The following RSF1 variants were observed in gnomAD, a reference collection of about 807,000 sequenced individuals.
The protein encoded by RSF1 is remodeling and spacing factor 1, also known as HBV pX-associated protein 8.
RSF1 carries 13 observed loss-of-function variants against 145.2 expected under a neutral mutation model. The observed-to-expected ratio is 0.09, with a 90% CI of 0.06 to 0.14. RSF1 has a LOEUF of 0.14. Among genes scored for constraint, RSF1 ranks in the 10% least tolerant of loss-of-function variants. RSF1 has a pLI of 1.00. For missense variants in RSF1, 1,517 were observed against 1,718.2 expected (o/e 0.88, Z 2.07); for synonymous variants, 577 against 592.6 (o/e 0.97, Z 0.38).
chr11:77,737,621 G>GGTGTGTGTGTGTGTGT (rs1170824350), intron 4 of RSF1, among the ~76,000 whole-genome samples: 2 of 93,488 alleles, frequency 2.1e-5, no homozygotes, highest in Admixed American at 1.2e-4. Context: ...TGTTTTGGGG[G>GGTGTGTGTGTGTGTGT]GTGTGTGTGT....
At chr11:77,818,995 T>C (rs1172927650) in intron 1 of RSF1, among the ~76,000 whole-genome samples, 1 of 152,224 alleles carries the variant, frequency 6.6e-6, no homozygotes, top group African/African-American at 2.4e-5. Flanking sequence ...AACAGATTAC[T>C]AGGCTTATAT....
At chr11:77,785,668 T>C (rs1198734026) in intron 1 of RSF1, among the ~76,000 whole-genome samples, 4 of 151,258 alleles carry the variant, frequency 2.6e-5, no homozygotes, top group African/African-American at 7.3e-5. Context: ...AAAGAGCAAA[T>C]TGGACAGGCA....
chr11:77,859,228 A>G, the RSF1 span, among the ~76,000 whole-genome samples: 1 of 152,186 alleles, frequency 6.6e-6, no homozygotes, highest in Non-Finnish European at 1.5e-5. Context: ...GGATTACCCC[A>G]TATTAGGGGT....
chr11:77,872,066 G>T, the RSF1 span: 3 of 1,255,626 alleles, frequency 2.4e-6, no homozygotes, highest in East Asian at 7.9e-5. Context: ...TGATCGTGAA[G>T]TGACGATTGT....
chr11:77,690,278 T>C (rs1287969344), intron 9 of RSF1, among the ~76,000 whole-genome samples: 2 of 151,892 alleles, frequency 1.3e-5, no homozygotes, highest in African/African-American at 4.8e-5. Context: ...CAGCATTTAA[T>C]ACTCTTTATT....
chr11:77,720,573 T>G (rs1960919797), intron 5 of RSF1, among the ~76,000 whole-genome samples: 1 of 152,126 alleles, frequency 6.6e-6, no homozygotes. Context: ...GAATAACAAC[T>G]CAAAAAGTAT....
chr11:77,721,341 A>G (rs1298634664), intron 5 of RSF1, among the ~76,000 whole-genome samples: 1 of 152,258 alleles, frequency 6.6e-6, no homozygotes, highest in African/African-American at 2.4e-5. Context: ...AGGAATAAAA[A>G]TGACAGAACA....
In RSF1 at chr11:77,818,907, C is replaced by G. The variant is rs540525382; in HGVS notation, c.187+1621G>C. 2.0e-5 allele frequency among the ~76,000 whole-genome samples: 3 copies of G among 152,240 alleles called. No homozygotes were observed. The South Asian group carries it at 6.2e-4, about 32-fold the overall frequency. On this transcript the variant is annotated intron_variant, in intron 1 of 15. Coordinates refer to ENST00000308488, the MANE Select transcript of RSF1 (RefSeq NM_016578.4). ...CCTTTATATAATGTAATTAGTCACC[C>G]TCCTATTTTGTACTATTTTTTAAAT...
intron 4 of RSF1, among the ~76,000 whole-genome samples, chr11:77,737,625 T>G (rs1309749436): frequency 5.1e-5 from 4 of 78,516 alleles, no homozygotes; most frequent in South Asian, 3.9e-4. Context: ...TTGGGGGGTG[T>G]GTGTGTGTGT....
In RSF1 at chr11:77,740,804, G is replaced by T; in HGVS notation, c.505C>A (p.Gln169Lys). Residue 169 changes from glutamine to lysine, a missense_variant, in exon 4 of 16, where the codon CAA (glutamine) becomes AAA (lysine). Gln to Lys is a moderately conservative substitution (Grantham distance 53, BLOSUM62 1). This residue lies in a region of RSF1 where 94 missense variants were observed against 143.6 expected (regional missense o/e 0.65). Coordinates refer to ENST00000308488, the MANE Select transcript of RSF1 (RefSeq NM_016578.4). ...DGLMYWYQLDQDHNVRMYIEE... is the reference protein window; with the variant it reads ...DGLMYWYQLDKDHNVRMYIEE... ...ATGTACATTCTGACATTGTGATCTTGATCCAATTGGTACCAGTACATGAGG... is the reference window on the plus strand; with the variant it reads ...ATGTACATTCTGACATTGTGATCTTTATCCAATTGGTACCAGTACATGAGG... 1 of 1,614,062 alleles carries T rather than the reference G, an allele frequency of 6.2e-7. No homozygotes were observed. Among genetic ancestry groups the T allele is most frequent in the Non-Finnish European group, 8.5e-7 (1 of 1,179,956 alleles).
chr11:77,665,491 A>G lies in RSF1; in HGVS notation c.*1426T>C, dbSNP rs1959338877. 1 of 152,246 alleles carries G rather than the reference A, an allele frequency of 6.6e-6. No homozygotes were observed. The highest frequency in any genetic ancestry group is 1.5e-5 in the Non-Finnish European group (1 of 68,036). 9.4% of individuals were successfully genotyped at this position (152,246 alleles called of 1,614,324 possible). A position where few individuals can be genotyped will look rare whatever the true frequency, so the allele number is the denominator to read the frequency against. On this transcript the variant is annotated 3_prime_UTR_variant, in exon 16 of 16. Coordinates refer to ENST00000308488, the MANE Select transcript of RSF1 (RefSeq NM_016578.4). ...AAATTTTACAGCTATAACAGAAACT[A>G]AATAAGACAAAGTTCATATTTTAGT...
chr11:77,781,318 C>T (rs1214090239), intron 1 of RSF1, among the ~76,000 whole-genome samples: 2 of 152,100 alleles, frequency 1.3e-5, no homozygotes, highest in East Asian at 3.9e-4. Context: ...AGACTGGTCT[C>T]GAACTTCTGA....
chr11:77,662,564 A>G lies in RSF1; in HGVS notation c.*4353T>C, dbSNP rs2135799279. The G allele has an allele frequency of 1.1e-5, 1 of 92,010 alleles. No homozygotes were observed. Among genetic ancestry groups the G allele is most frequent in the Admixed American group, 1.1e-4 (1 of 9,444 alleles). The allele number at this position is 92,010 out of a possible 1,614,324, so 5.7% of individuals were successfully genotyped here. On this transcript the variant is annotated 3_prime_UTR_variant, in exon 16 of 16. Coordinates refer to ENST00000308488, the MANE Select transcript of RSF1 (RefSeq NM_016578.4). ...GTTAAAAGATAATTTAAGTTGGAGC[A>G]AAACATTTTGAAAACAAATTAGTGA...
intron 1 of RSF1, among the ~76,000 whole-genome samples, chr11:77,770,320 G>A (rs937805586): frequency 6.6e-6 from 1 of 152,140 alleles, no homozygotes; most frequent in African/African-American, 2.4e-5. Context: ...AAATTAGCCA[G>A]GTGTGGTGGC....
At chr11:77,862,994 G>T in the RSF1 span, among the ~76,000 whole-genome samples, 1 of 152,102 alleles carries the variant, frequency 6.6e-6, no homozygotes, top group Non-Finnish European at 1.5e-5. Context: ...TGTTACCGGG[G>T]GGTCCTTGCT....
At chr11:77,685,235 T>C (rs1429680687) in intron 9 of RSF1, 76 bp from the exon 10 acceptor site, 4 of 780,370 alleles carry the variant, frequency 5.1e-6, no homozygotes, top group Non-Finnish European at 8.2e-6. Context: ...CGAATACACA[T>C]AATGTTAAAA....
rs1554991241 is a variant in RSF1 at position 77,737,621 on chromosome 11, G to GTGTGTGTGTGTGTGTGT, written c.578+3109_578+3110insACACACACACACACACA. ...GAAAGAAGTTTTATGTGTTTTGGGGGGTGTGTGTGTGTGTGTGTGTGTGTG... is the reference window on the plus strand; with the variant it reads ...GAAAGAAGTTTTATGTGTTTTGGGGGTGTGTGTGTGTGTGTGTGTGTGTGTGTGTGTGTGTGTGTGTG... On this transcript the variant is annotated intron_variant, in intron 4 of 15. Transcript: ENST00000308488. Among the ~76,000 whole-genome samples the GTGTGTGTGTGTGTGTGT allele has an allele frequency of 9.7e-3, 909 of 93,478 alleles. 16 individuals carry two copies. Among genetic ancestry groups the GTGTGTGTGTGTGTGTGT allele is most frequent in the East Asian group, 0.013 (46 of 3,552 alleles). The allele number at this position is 93,478 out of a possible 152,430, so 61.3% of individuals were successfully genotyped here.
chr11:77,872,003 CT>C, the RSF1 span: 5 of 503,350 alleles, frequency 9.9e-6, no homozygotes, highest in Non-Finnish European at 1.3e-5. Flanking sequence ...ACAAAGAGGC[CT>C]TTTTGACTCA....
At chr11:77,764,564 G>A (rs1489534987) in intron 2 of RSF1, 34 bp downstream of exon 2, 2 of 1,122,270 alleles carry the variant, frequency 1.8e-6, no homozygotes, top group Non-Finnish European at 1.4e-6. Flanking sequence ...TAATATTTCA[G>A]TAATAGAGCA....
Sources: gnomAD v4.1 joint callset for allele counts (sites outside exome capture counted in the v4.1 genomes callset) on GRCh38, gnomAD v4.1.1 for gene constraint, gnomAD v4.1.1 regional missense constraint, MANE v1.5 for transcripts, NCBI Gene and HGNC (gene_info 2026-07-23, HGNC 2026-07-21) for gene names.